STXBP5L: variants seen among roughly 807,000 people sequenced by gnomAD.
STXBP5L encodes the protein syntaxin binding protein 5L, also known as syntaxin-binding protein 5-like.
In STXBP5L, 65 loss-of-function variants were observed where a neutral mutation model predicts 144.5. The observed-to-expected ratio is 0.45, with a 90% CI of 0.37 to 0.55. The LOEUF (loss-of-function observed/expected upper bound fraction) is 0.55. STXBP5L is among the 20% of genes least tolerant of loss of function. The probability of loss-of-function intolerance (pLI) is 0.00; values close to 1 mark genes in which losing one functional copy is unlikely to be tolerated. For synonymous variants in STXBP5L, 505 were observed against 469.6 expected (o/e 1.08, Z -0.97); for missense variants, 1,298 against 1,405.5 (o/e 0.92, Z 1.22).
intron 20 of STXBP5L, among the ~76,000 whole-genome samples, chr3:121,335,289 G>T (rs2044466984): frequency 1.3e-5 from 2 of 151,994 alleles, no homozygotes; most frequent in Admixed American, 1.3e-4. Context: ...ACAAAACACT[G>T]CTTAAAGAAA....
chr3:121,248,430 G>A (rs1219216176), intron 14 of STXBP5L, among the ~76,000 whole-genome samples: 1 of 152,112 alleles, frequency 6.6e-6, no homozygotes, highest in African/African-American at 2.4e-5. Context: ...TTGGCTGCTT[G>A]TATGTCTTCT....
chr3:120,996,128 A>G (rs1943328014), intron 3 of STXBP5L, among the ~76,000 whole-genome samples: 2 of 151,838 alleles, frequency 1.3e-5, no homozygotes, highest in African/African-American at 2.4e-5. Context: ...ATTCAAATTC[A>G]TTTTTATTTG....
chr3:120,961,356 T>C (rs1938793245), intron 3 of STXBP5L, among the ~76,000 whole-genome samples: 1 of 151,914 alleles, frequency 6.6e-6, no homozygotes, highest in South Asian at 2.1e-4. Context: ...ACGTGTACCA[T>C]GTTTGTAGCT....
chr3:121,329,508 G>A (rs1577471607), intron 20 of STXBP5L, among the ~76,000 whole-genome samples: 1 of 152,258 alleles, frequency 6.6e-6, no homozygotes, highest in African/African-American at 2.4e-5. Context: ...TCCCAAATTA[G>A]AATTTTTTTA....
At chr3:121,073,363 C>T (rs2041886612) in intron 5 of STXBP5L, among the ~76,000 whole-genome samples, 1 of 152,210 alleles carries the variant, frequency 6.6e-6, no homozygotes, top group Admixed American at 6.5e-5. Context: ...CCCCTCTGCT[C>T]CATCAGGGTG....
intron 7 of STXBP5L, among the ~76,000 whole-genome samples, chr3:121,137,345 G>T (rs2045307883): frequency 6.6e-6 from 1 of 152,052 alleles, no homozygotes; most frequent in Non-Finnish European, 1.5e-5. Context: ...AATCAGAGAT[G>T]AAAAAAAGTT....
chr3:121,399,878 C>T (rs754495023), intron 22 of STXBP5L, among the ~76,000 whole-genome samples: 8 of 152,200 alleles, frequency 5.3e-5, no homozygotes, highest in African/African-American at 7.2e-5. Flanking sequence ...TTTCCAACAC[C>T]TATCACTTTT....
At position 120,947,056 on chromosome 3, in the gene STXBP5L, G is replaced by A. The variant is rs182888035; in HGVS notation, c.190-7884G>A. The stretch of plus-strand genomic sequence containing the variant: ...GATAGATTTGTGTAACTATTGATAC[G>A]TTGGCCACTTCATTCCTGTAATATT... On this transcript the variant is annotated intron_variant, in intron 2 of 26. Coordinates refer to ENST00000471454, the MANE Select transcript of STXBP5L (RefSeq NM_001308330.2). Among the ~76,000 whole-genome samples, 105 of 151,642 alleles carry A rather than the reference G, an allele frequency of 6.9e-4. 1 individual carries two copies. The highest frequency in any genetic ancestry group is 2.0e-3 in the African/African-American group (82 of 41,402).
chr3:121,348,643 T>C (rs1040346124), intron 20 of STXBP5L, among the ~76,000 whole-genome samples: 1 of 152,088 alleles, frequency 6.6e-6, no homozygotes, highest in African/African-American at 2.4e-5. Flanking sequence ...AAGCCTGTTA[T>C]TGGTCTATTC....
intron 3 of STXBP5L, among the ~76,000 whole-genome samples, chr3:121,008,217 A>G (rs1384764349): frequency 6.6e-6 from 1 of 152,070 alleles, no homozygotes; most frequent in East Asian, 1.9e-4. Context: ...GACCACTTTT[A>G]GTAGCAACAA....
chr3:120,989,330 A>C (rs764545679), intron 3 of STXBP5L, among the ~76,000 whole-genome samples: 1 of 152,128 alleles, frequency 6.6e-6, no homozygotes, highest in Admixed American at 6.6e-5. Context: ...AGCCATTCTG[A>C]CTGGTGTAAG....
chr3:121,303,258 C>A (rs1399118386), intron 19 of STXBP5L, among the ~76,000 whole-genome samples: 4 of 152,124 alleles, frequency 2.6e-5, no homozygotes, highest in Non-Finnish European at 1.5e-5. Flanking sequence ...ATTTACACAG[C>A]CAAAAGACAC....
At chr3:121,188,986 G>T (rs1324279650) in intron 9 of STXBP5L, among the ~76,000 whole-genome samples, 1 of 152,286 alleles carries the variant, frequency 6.6e-6, no homozygotes, top group East Asian at 1.9e-4. Flanking sequence ...AAGAAATAAA[G>T]GGTATTCAAT....
chr3:121,346,563 C>T (rs1464206574), intron 20 of STXBP5L, among the ~76,000 whole-genome samples: 3 of 152,114 alleles, frequency 2.0e-5, no homozygotes, highest in Non-Finnish European at 4.4e-5. Flanking sequence ...TTTACAGTCC[C>T]ACCAACAGTG....
In STXBP5L at chr3:121,131,156, A is replaced by T. The variant is rs940430244; in HGVS notation, c.669+9452A>T. On this transcript the variant is annotated intron_variant, in intron 7 of 26. Coordinates refer to ENST00000471454, the MANE Select transcript of STXBP5L (RefSeq NM_001308330.2). ...CCAACATCCAACCTAATCAAGAAAA[A>T]CAGGGAGAAAACAAACTTACACAGA... 2.0e-5 allele frequency among the ~76,000 whole-genome samples: 3 copies of T among 152,132 alleles called. No individual in the cohort carries two copies. In the South Asian group the frequency reaches 6.2e-4, roughly 31 times the overall value.
rs185286792 is a variant in STXBP5L at position 121,070,900 on chromosome 3, C to T, written c.470+25365C>T. Among the ~76,000 whole-genome samples the T allele has an allele frequency of 1.7e-3, 252 of 152,224 alleles. 3 individuals carry two copies. The highest frequency in any genetic ancestry group is 5.8e-3 in the African/African-American group (242 of 41,530). On this transcript the variant is annotated intron_variant, in intron 5 of 26. Transcript: ENST00000471454. ...TAATGGCATTAGGGGTTCGCCAATTCGGACTTTAAACCCGAAGTCATAGGG... is the reference window on the plus strand; with the variant it reads ...TAATGGCATTAGGGGTTCGCCAATTTGGACTTTAAACCCGAAGTCATAGGG...
intron 2 of STXBP5L, among the ~76,000 whole-genome samples, chr3:120,930,282 A>G (rs1709864348): frequency 6.6e-6 from 1 of 151,584 alleles, no homozygotes; most frequent in African/African-American, 2.4e-5. Context: ...AGTGAGCACA[A>G]CAGTTATTAC....
chr3:121,381,413 C>G lies in STXBP5L; in HGVS notation c.2468C>G (p.Ser823Cys). 1 of 1,610,258 alleles carries G rather than the reference C, an allele frequency of 6.2e-7. No individual in the cohort carries two copies. Among genetic ancestry groups the G allele is most frequent in the Non-Finnish European group, 8.5e-7 (1 of 1,178,782 alleles). Reference protein sequence around the residue: ...FMDSFARKNDSTISPCLFVGT... With the variant: ...FMDSFARKNDCTISPCLFVGT... ...GACTCCTTTGCACGGAAAAATGACT[C>G]TACCATCTCTCCTTGTCTGTTCGTT... is the stretch of plus-strand genomic sequence containing the variant. The change falls in exon 22 of 27, where the codon TCT becomes TGT. Residue 823 changes from serine (S) to cysteine (C), a missense_variant. Coordinates refer to ENST00000471454, the MANE Select transcript of STXBP5L (RefSeq NM_001308330.2).
At chr3:121,311,514 A>G (rs1281848370) in intron 19 of STXBP5L, among the ~76,000 whole-genome samples, 2 of 152,174 alleles carry the variant, frequency 1.3e-5, no homozygotes, top group African/African-American at 2.4e-5. Flanking sequence ...TAAATGTTAT[A>G]TACAAAAATC....
Sources: allele counts gnomAD v4.1 joint callset (sites outside exome capture counted in the v4.1 genomes callset), GRCh38; gene constraint gnomAD v4.1.1; transcripts MANE v1.5; gene names NCBI Gene and HGNC (gene_info 2026-07-23, HGNC 2026-07-21).